Variants in LRBA observed in about 807,000 individuals in gnomAD.
LRBA encodes the protein lipopolysaccharide-responsive and beige-like anchor protein.
Under a neutral mutation model 330.0 loss-of-function variants are expected in LRBA, and 176 were observed. The observed-to-expected ratio is 0.53, with a 90% confidence interval of 0.47 to 0.60. The LOEUF is 0.60. Ranked by LOEUF, LRBA falls within the 20% of genes least tolerant of loss-of-function variation. The pLI is 0.00. For synonymous variants in LRBA, 1,230 were observed against 1,193.0 expected, an observed-to-expected ratio of 1.03 and a Z score of -0.64; for missense variants, 3,259 against 3,444.8, an observed-to-expected ratio of 0.95 and a Z score of 1.35.
chr4:150,391,636 G>T (rs897815708), intron 47 of LRBA, among the ~76,000 whole-genome samples: 1 of 152,152 alleles, frequency 6.6e-6, no homozygotes, highest in African/African-American at 2.4e-5. Flanking sequence ...AATTGTGTGT[G>T]TGTGTGTAGT....
At chr4:150,662,031 A>C (rs1781163884) in intron 37 of LRBA, among the ~76,000 whole-genome samples, 1 of 152,134 alleles carries the variant, frequency 6.6e-6, no homozygotes, top group Admixed American at 6.5e-5. Context: ...TATTTTACAT[A>C]ATTTCTGGGA....
chr4:150,589,901 G>C (rs1330359662), intron 39 of LRBA, among the ~76,000 whole-genome samples: 1 of 152,064 alleles, frequency 6.6e-6, no homozygotes, highest in Non-Finnish European at 1.5e-5. Flanking sequence ...TTATAGAGAG[G>C]TTTACAGTTA....
intron 34 of LRBA, among the ~76,000 whole-genome samples, chr4:150,783,499 T>C (rs1036868208): frequency 6.6e-6 from 1 of 152,180 alleles, no homozygotes; most frequent in African/African-American, 2.4e-5. Flanking sequence ...GCAACAAGAA[T>C]AAACTGACAA....
chr4:150,551,490 G>C (rs1387215982), intron 40 of LRBA, among the ~76,000 whole-genome samples: 1 of 151,878 alleles, frequency 6.6e-6, no homozygotes, highest in East Asian at 1.9e-4. Context: ...ACCAGCCTGG[G>C]CAACATAGTG....
chr4:150,440,763 C>G (rs181866119), intron 44 of LRBA, among the ~76,000 whole-genome samples: 112 of 148,092 alleles, frequency 7.6e-4, no homozygotes, highest in Middle Eastern at 3.4e-3. Context: ...CTGTCTCAAA[C>G]AAAACAAAAA....
At chr4:150,330,580 C>T (rs1278805523) in intron 48 of LRBA, among the ~76,000 whole-genome samples, 4 of 152,074 alleles carry the variant, frequency 2.6e-5, no homozygotes, top group Admixed American at 6.6e-5. Context: ...TCATAGGGAG[C>T]GTGCAACCGA....
chr4:150,899,791 AT>A (rs953540279), intron 14 of LRBA, among the ~76,000 whole-genome samples: 1 of 152,128 alleles, frequency 6.6e-6, no homozygotes, highest in African/African-American at 2.4e-5. Context: ...TACAACAACC[AT>A]CCTAGTCATA....
intron 37 of LRBA, among the ~76,000 whole-genome samples, chr4:150,671,400 A>G (rs974741722): frequency 2.0e-5 from 3 of 152,130 alleles, no homozygotes; most frequent in Non-Finnish European, 4.4e-5. Flanking sequence ...TCATCTAGGA[A>G]TCTTTTCCTT....
At chr4:150,558,636 T>C (rs1767645776) in intron 40 of LRBA, among the ~76,000 whole-genome samples, 1 of 152,200 alleles carries the variant, frequency 6.6e-6, no homozygotes, top group Non-Finnish European at 1.5e-5. Flanking sequence ...TATTGGAGCA[T>C]GGTATTAGAA....
At chr4:150,799,505 AC>A (rs1314830515) in intron 33 of LRBA, among the ~76,000 whole-genome samples, 1 of 152,198 alleles carries the variant, frequency 6.6e-6, no homozygotes, top group Non-Finnish European at 1.5e-5. Flanking sequence ...CAACTTCAAA[AC>A]CCATTATTTC....
At chr4:150,613,657 T>C (rs1372228967) in intron 37 of LRBA, among the ~76,000 whole-genome samples, 3 of 152,202 alleles carry the variant, frequency 2.0e-5, no homozygotes, top group Non-Finnish European at 4.4e-5. Context: ...ACAAAACCTT[T>C]ACCTGGCAGG....
chr4:150,591,099 C>T (rs938677350), intron 38 of LRBA, among the ~76,000 whole-genome samples: 11 of 152,286 alleles, frequency 7.2e-5, no homozygotes, highest in African/African-American at 2.6e-4. Flanking sequence ...GACCCCTGCA[C>T]TGCTCACCAA....
Position 151,000,259 on chromosome 4 carries a change from T to A in LRBA, c.216+14168A>T, listed in dbSNP as rs915843248. 2.0e-5 allele frequency among the ~76,000 whole-genome samples: 3 copies of A among 152,350 alleles called. No homozygotes were observed. In the East Asian group the frequency reaches 5.8e-4, roughly 29 times the overall value. On this transcript the variant is annotated intron_variant, in intron 2 of 56. Transcript: ENST00000651943. Reference sequence around the variant, plus strand: ...ATCAACAAGTATTTTCAACTTACAATATTTTCAGCTTTAGATGTAAGTGCA... The same window carrying A: ...ATCAACAAGTATTTTCAACTTACAAAATTTTCAGCTTTAGATGTAAGTGCA...
intron 47 of LRBA, among the ~76,000 whole-genome samples, chr4:150,398,329 C>G (rs1036397486): frequency 6.6e-6 from 1 of 152,010 alleles, no homozygotes; most frequent in Admixed American, 6.6e-5. Flanking sequence ...AGAAAATAAG[C>G]CAATTGACAG....
chr4:150,599,139 G>C lies in LRBA; in HGVS notation c.5922-8C>G. 1.2e-6 allele frequency: 2 copies of C among 1,613,734 alleles called. No homozygotes were observed. Among genetic ancestry groups the C allele is most frequent in the Non-Finnish European group, 1.7e-6 (2 of 1,179,842 alleles). On this transcript the variant is annotated splice_polypyrimidine_tract_variant and splice_region_variant and intron_variant, in intron 37 of 56. Coordinates refer to ENST00000651943, the MANE Select transcript of LRBA (RefSeq NM_001364905.1). Reference sequence around the variant, plus strand: ...CAGAACTCAAGAGGACGACTACAATGAAACAGAGAAGCCACATATGTTAGC... The same window carrying C: ...CAGAACTCAAGAGGACGACTACAATCAAACAGAGAAGCCACATATGTTAGC...
At chr4:150,274,612 T>C (rs951458304) in intron 56 of LRBA, among the ~76,000 whole-genome samples, 1 of 152,146 alleles carries the variant, frequency 6.6e-6, no homozygotes, top group Non-Finnish European at 1.5e-5. Context: ...ATAAAGGGGT[T>C]ATCACCACTG....
At chr4:150,313,348 T>C (rs1232882888) in intron 51 of LRBA, among the ~76,000 whole-genome samples, 1 of 152,214 alleles carries the variant, frequency 6.6e-6, no homozygotes, top group Non-Finnish European at 1.5e-5. Context: ...CAATTCACTC[T>C]GATACTTAGA....
intron 30 of LRBA, among the ~76,000 whole-genome samples, chr4:150,818,506 T>G (rs1744921132): frequency 6.7e-6 from 1 of 150,318 alleles, no homozygotes; most frequent in South Asian, 2.1e-4. Context: ...ATTATTGACT[T>G]AAGGGGGAGT....
chr4:150,780,608 T>TATATATATAC, intron 34 of LRBA, among the ~76,000 whole-genome samples: 2 of 149,634 alleles, frequency 1.3e-5, no homozygotes, highest in African/African-American at 4.9e-5. Flanking sequence ...ATACCAACTA[T>TATATATATAC]ATATATATAC....
Sources: allele counts gnomAD v4.1 joint callset (sites outside exome capture counted in the v4.1 genomes callset), GRCh38; gene constraint gnomAD v4.1.1; transcripts MANE v1.5; gene names NCBI Gene and HGNC (gene_info 2026-07-23, HGNC 2026-07-21).